CALCA: variants seen among roughly 807,000 people sequenced by gnomAD.
The protein encoded by CALCA is calcitonin.
A neutral mutation model predicts 6.9 loss-of-function variants in CALCA; 4 were observed. That is an observed-to-expected ratio of 0.58 (90% confidence interval 0.29 to 1.33). CALCA has a LOEUF of 1.33. Ranked by LOEUF, CALCA falls within the 40% of genes most tolerant of loss-of-function variation. The pLI, the probability that CALCA is intolerant of heterozygous loss-of-function variation, is 0.09. For missense variants in CALCA, 174 were observed against 178.3 expected (o/e 0.98, Z 0.14); for synonymous variants, 78 against 70.0 (o/e 1.11, Z -0.57).
Position 14,968,535 on chromosome 11 carries a change from A to G in CALCA, c.*264T>C. 3.7e-6 allele frequency: 5 copies of G among 1,367,792 alleles called. No individual in the cohort carries two copies. Among genetic ancestry groups the G allele is most frequent in the Middle Eastern group, 5.6e-4 (2 of 3,558 alleles). The allele number at this position is 1,367,792 out of a possible 1,614,324, so 84.7% of individuals were successfully genotyped here. A position where few individuals can be genotyped will look rare whatever the true frequency, so the allele number is the denominator to read the frequency against. On this transcript the variant is annotated 3_prime_UTR_variant, in exon 4 of 4. Coordinates refer to ENST00000331587, the MANE Select transcript of CALCA (RefSeq NM_001741.3). ...AAATAATTTTATTCCTCAAATGATC[A>G]GCACATTCAGAAGCAGGACAGAGGA... is the stretch of plus-strand genomic sequence containing the variant.
chr11:14,970,144 A>G, intron 2 of CALCA, 69 bp from the exon 3 acceptor site: 2 of 1,592,000 alleles, frequency 1.3e-6, no homozygotes, highest in African/African-American at 1.3e-5. Context: ...ATAAGCAGCC[A>G]GGCTTCCTGG....
At chr11:14,968,330 G>T, downstream of CALCA, 1 of 534,190 alleles carries the variant, frequency 1.9e-6, no homozygotes, top group Non-Finnish European at 2.7e-6. Context: ...TCCTAGAGGT[G>T]CTTACCTGCT....
chr11:14,966,804 T>C (rs1160943862), downstream of CALCA: 2 of 152,664 alleles, frequency 1.3e-5, no homozygotes, highest in East Asian at 3.8e-4. Flanking sequence ...AGTGATTTCA[T>C]GTCCCCCTGA....
At chr11:14,968,062 G>A (rs553041260), downstream of CALCA, 104 of 644,136 alleles carry the variant, frequency 1.6e-4, no homozygotes, top group Non-Finnish European at 2.5e-4. Flanking sequence ...ATTCCCAGGG[G>A]TGTCAGAAAA....
At position 14,968,689 on chromosome 11, in the gene CALCA, A is replaced by C; in HGVS notation, c.*110T>G. 6.2e-7 allele frequency: 1 copy of C among 1,610,868 alleles called. No individual in the cohort carries two copies. ...TGAAGTTTGAGACATCCTCTGCCAC[A>C]AGGAAAGCCACCAATACCAGCCCAA... On this transcript the variant is annotated 3_prime_UTR_variant, in exon 4 of 4. Transcript: ENST00000331587.
chr11:14,967,702 T>G (rs782814795), downstream of CALCA: 4 of 1,614,102 alleles, frequency 2.5e-6, no homozygotes, highest in East Asian at 8.9e-5. Flanking sequence ...TGCTCAGGCT[T>G]GAAGGTCCCT....
downstream of CALCA, among the ~76,000 whole-genome samples, chr11:14,967,299 A>G (rs1311593648): frequency 6.6e-6 from 1 of 152,240 alleles, no homozygotes; most frequent in Non-Finnish European, 1.5e-5. Flanking sequence ...GGGCAAATAC[A>G]GTTCTTGAAC....
chr11:14,967,944 C>T, downstream of CALCA: 1 of 1,499,276 alleles, frequency 6.7e-7, no homozygotes, highest in Non-Finnish European at 9.3e-7. Flanking sequence ...GGTAAAGTTG[C>T]TGTGCTGAAA....
rs186729586 is a variant in CALCA at position 14,970,621 on chromosome 11, C to T, written c.86+486G>A. Among the ~76,000 whole-genome samples the T allele has an allele frequency of 3.4e-4, 52 of 152,194 alleles. No homozygotes were observed. In the East Asian group the frequency reaches 8.3e-3, roughly 24 times the overall value. On this transcript the variant is annotated intron_variant, in intron 2 of 3. Transcript: ENST00000331587. ...GGGCTATATAAAATTTATAATAGGC[C>T]GGGCGCGGTGGCTCACGGCTGTAAT...
At chr11:14,967,641 C>T (rs1418146175), downstream of CALCA, 1 of 1,611,984 alleles carries the variant, frequency 6.2e-7, no homozygotes, top group Non-Finnish European at 8.5e-7. Flanking sequence ...ACCAGTCATT[C>T]ATCTTCCCAT....
In CALCA at chr11:14,969,806, C is replaced by G. The variant is rs554532431; in HGVS notation, c.227+129G>C. 74 of 1,430,516 alleles carry G rather than the reference C, an allele frequency of 5.2e-5. No individual in the cohort carries two copies. In the South Asian group the frequency reaches 8.4e-4, roughly 16 times the overall value. 88.6% of individuals were successfully genotyped at this position (1,430,516 alleles called of 1,614,324 possible). On this transcript the variant is annotated intron_variant, in intron 3 of 3. Transcript: ENST00000331587. ...TTGGAGGCTGAGAACAGCTGGGCCC[C>G]AGGTCCCGGTGAACAACACAGCCTG...
At chr11:14,969,110 G>A in intron 3 of CALCA, 113 bp from the exon 4 acceptor site, 2 of 915,056 alleles carry the variant, frequency 2.2e-6, no homozygotes, top group Non-Finnish European at 3.6e-6. Flanking sequence ...GGGCAGGCAG[G>A]AGGGCAGCTC....
intron 2 of CALCA, among the ~76,000 whole-genome samples, chr11:14,970,299 A>C (rs1195032675): frequency 1.3e-5 from 2 of 152,210 alleles, no homozygotes; most frequent in Non-Finnish European, 2.9e-5. Context: ...TGTGAAAGCT[A>C]ATGGTTAAAT....
At position 14,968,949 on chromosome 11, in the gene CALCA, C is replaced by T. The variant is rs782463913; in HGVS notation, c.276G>A (p.Met92Ile). The change falls in exon 4 of 4, where the codon ATG (methionine) becomes ATA (isoleucine). Residue 92 changes from methionine (M) to isoleucine (I), a missense_variant. Coordinates refer to ENST00000331587, the MANE Select transcript of CALCA (RefSeq NM_001741.3). Reference sequence around the variant, plus strand: ...TGAAGTCCTGCGTGTATGTGCCCAGCATGCAAGTACTCAGATTACCGCACC... The same window carrying T: ...TGAAGTCCTGCGTGTATGTGCCCAGTATGCAAGTACTCAGATTACCGCACC... ...SKRCGNLSTC[M>I]LGTYTQDFNK... 33 of 1,613,852 alleles carry T rather than the reference C, an allele frequency of 2.0e-5. No individual in the cohort carries two copies. Among genetic ancestry groups the T allele is most frequent in the Non-Finnish European group, 2.7e-5 (32 of 1,180,038 alleles).
chr11:14,969,856 C>T, intron 3 of CALCA, 79 bp downstream of exon 3: 1 of 1,605,670 alleles, frequency 6.2e-7, no homozygotes, highest in Non-Finnish European at 8.5e-7. Context: ...AGTGTGTTCT[C>T]TCCTACCTCT....
chr11:14,968,344 T>G, downstream of CALCA: 1 of 698,996 alleles, frequency 1.4e-6, no homozygotes, highest in South Asian at 2.4e-5. Flanking sequence ...ACCTGCTCCT[T>G]AGGACCCCTG....
intron 1 of CALCA, among the ~76,000 whole-genome samples, chr11:14,971,841 T>C (rs1555026570): frequency 6.6e-6 from 1 of 152,180 alleles, no homozygotes; most frequent in African/African-American, 2.4e-5. Flanking sequence ...TCGTCGTGCC[T>C]ATTTGCCACC....
intron 3 of CALCA, 146 bp from the exon 4 acceptor site, chr11:14,969,143 G>C (rs1422227328): frequency 4.0e-6 from 3 of 747,704 alleles, no homozygotes; most frequent in Non-Finnish European, 7.1e-6. Flanking sequence ...TTCATTAGGA[G>C]AGCTCAGAGG....
At chr11:14,969,610 T>C (rs1849542803) in intron 3 of CALCA, among the ~76,000 whole-genome samples, 1 of 152,160 alleles carries the variant, frequency 6.6e-6, no homozygotes, top group Non-Finnish European at 1.5e-5. Flanking sequence ...GACTTCACCC[T>C]TACTAGTCTT....
Sources: gnomAD v4.1 joint callset for allele counts (sites outside exome capture counted in the v4.1 genomes callset) on GRCh38, gnomAD v4.1.1 for gene constraint, MANE v1.5 for transcripts, NCBI Gene and HGNC (gene_info 2026-07-23, HGNC 2026-07-21) for gene names.